The following TFCP2 variants were observed in gnomAD, a reference collection of about 807,000 sequenced individuals.
The protein encoded by TFCP2 is transcription factor CP2.
In TFCP2, 33 loss-of-function variants were observed where a neutral mutation model predicts 73.4. That is an observed-to-expected ratio of 0.45 (90% CI 0.34 to 0.60). TFCP2 has a LOEUF of 0.60. Among genes scored for constraint, TFCP2 ranks in the 20% least tolerant of loss-of-function variants. The pLI is 0.01. For missense variants in TFCP2, 352 were observed against 604.0 expected (o/e 0.58, Z 4.37); for synonymous variants, 193 against 211.6 (o/e 0.91, Z 0.76).
intron 1 of TFCP2, among the ~76,000 whole-genome samples, chr12:51,171,984 G>T (rs1941872472): frequency 6.6e-6 from 1 of 152,030 alleles, no homozygotes; most frequent in Admixed American, 6.6e-5. Flanking sequence ...CACAACGTCA[G>T]ACTTACCCAC....
intron 1 of TFCP2, among the ~76,000 whole-genome samples, chr12:51,149,023 T>TCAAAAAAAAAAAA (rs1555254992): frequency 1.8e-4 from 1 of 5,422 alleles, no homozygotes; most frequent in Non-Finnish European, 2.9e-3. Flanking sequence ...AGACTCCATC[T>TCAAAAAAAAAAAA]CAAAAAAAAA....
intron 1 of TFCP2, among the ~76,000 whole-genome samples, chr12:51,145,317 A>T (rs1941273071): frequency 6.8e-6 from 1 of 147,998 alleles, no homozygotes; most frequent in African/African-American, 2.5e-5. Context: ...GGGGGGTGGA[A>T]GTTGCAGTGA....
At chr12:51,158,024 C>CAAGA (rs1042788216) in intron 1 of TFCP2, among the ~76,000 whole-genome samples, 2 of 151,512 alleles carry the variant, frequency 1.3e-5, no homozygotes, top group Non-Finnish European at 2.9e-5. Flanking sequence ...TTTTTAGAAA[C>CAAGA]AGAGTCTTGT....
rs1359606837 is a variant in TFCP2 at position 51,164,368 on chromosome 12, G to A, written c.122+7933C>T. 3.9e-5 allele frequency among the ~76,000 whole-genome samples: 6 copies of A among 152,280 alleles called. No homozygotes were observed. The East Asian group carries it at 1.2e-3, about 29-fold the overall frequency. ...AATCCCAGCACTTTGGGAGGCCGAG[G>A]CGGGCAGATCACAAGGTCAGGAGTT... On this transcript the variant is annotated intron_variant, in intron 1 of 14. Transcript: ENST00000257915.
intron 1 of TFCP2, among the ~76,000 whole-genome samples, chr12:51,140,445 C>CTTTTTTTTTTTTTTTTTTTTTTTTTCCT (rs768526922): frequency 1.1e-5 from 1 of 88,036 alleles, no homozygotes; most frequent in Non-Finnish European, 2.1e-5. Flanking sequence ...TTTTCTTTTT[C>CTTTTTTTTTTTTTTTTTTTTTTTTTCCT]TTTTTTTTTT....
At chr12:51,130,109 C>T (rs920945012) in intron 1 of TFCP2, among the ~76,000 whole-genome samples, 1 of 152,056 alleles carries the variant, frequency 6.6e-6, no homozygotes, top group Non-Finnish European at 1.5e-5. Flanking sequence ...TGTGCCATTG[C>T]ACTCCAGCCT....
chr12:51,114,268 G>T (rs1040073407), intron 4 of TFCP2, among the ~76,000 whole-genome samples: 4 of 152,094 alleles, frequency 2.6e-5, no homozygotes, highest in Non-Finnish European at 5.9e-5. Context: ...AATCCAATTC[G>T]ATAGTGGGCA....
At chr12:51,095,922 A>T in intron 14 of TFCP2, 67 bp downstream of exon 14, 1 of 1,262,696 alleles carries the variant, frequency 7.9e-7, no homozygotes, top group Non-Finnish European at 1.1e-6. Flanking sequence ...TCAAAGAAGT[A>T]TGTACTTTGC....
intron 1 of TFCP2, among the ~76,000 whole-genome samples, chr12:51,132,357 C>CTTTTTTTTTTTTTTTTTTTT (rs869123355): frequency 3.2e-5 from 2 of 61,790 alleles, no homozygotes; most frequent in African/African-American, 1.2e-4. Flanking sequence ...AGGGATTAGT[C>CTTTTTTTTTTTTTTTTTTTT]TTTTTTTTTT....
intron 8 of TFCP2, 112 bp downstream of exon 8, chr12:51,106,413 G>A: frequency 1.3e-6 from 1 of 760,818 alleles, no homozygotes; most frequent in Non-Finnish European, 2.1e-6. Context: ...ATCCATCAAA[G>A]AACGACCAAA....
In TFCP2 at chr12:51,109,006, TGC is replaced by T. The variant is rs533002059; in HGVS notation, c.717+113_717+114del. 164 of 1,167,456 alleles carry T rather than the reference TGC, an allele frequency of 1.4e-4. 5 individuals carry two copies. The South Asian group carries it at 2.0e-3, about 14-fold the overall frequency. 72.3% of individuals were successfully genotyped at this position (1,167,456 alleles called of 1,614,324 possible). The stretch of plus-strand genomic sequence containing the variant: ...TTCAATGACTCTAGCTTAGACTTTT[TGC>T]GTGTGTGTGAGTTTTCAAAAAAAGA... On this transcript the variant is annotated intron_variant, in intron 6 of 14. Transcript: ENST00000257915.
chr12:51,155,002 A>C (rs866093282), intron 1 of TFCP2, among the ~76,000 whole-genome samples: 2 of 152,310 alleles, frequency 1.3e-5, no homozygotes, highest in Middle Eastern at 3.4e-3. Flanking sequence ...TGAGGGAGTA[A>C]GATCCATCCT....
chr12:51,142,655 C>T (rs1941218092), intron 1 of TFCP2, among the ~76,000 whole-genome samples: 1 of 152,198 alleles, frequency 6.6e-6, no homozygotes, highest in South Asian at 2.1e-4. Context: ...CTCCATGGAT[C>T]ATTCCCATTA....
At chr12:51,111,087 G>T in intron 4 of TFCP2, 104 bp from the exon 5 acceptor site, 6 of 757,202 alleles carry the variant, frequency 7.9e-6, no homozygotes, top group African/African-American at 1.8e-5. Context: ...CAAGATTTTT[G>T]TATATCACAT....
At chr12:51,124,768 C>A in intron 1 of TFCP2, 1 of 774,010 alleles carries the variant, frequency 1.3e-6, no homozygotes. Context: ...TTCTGCTGCT[C>A]AACCTTTTTC....
At chr12:51,099,024 C>G (rs1592786611) in intron 12 of TFCP2, 106 bp from the exon 13 acceptor site, 1 of 1,250,878 alleles carries the variant, frequency 8.0e-7, no homozygotes, top group Non-Finnish European at 1.1e-6. Flanking sequence ...AGAAATCACA[C>G]TGCCTAAGTT....
chr12:51,136,467 A>G (rs967019524), intron 1 of TFCP2, among the ~76,000 whole-genome samples: 4 of 152,112 alleles, frequency 2.6e-5, no homozygotes, highest in Non-Finnish European at 5.9e-5. Flanking sequence ...TAATAAAGGA[A>G]GCAGTATTAC....
intron 6 of TFCP2, 131 bp downstream of exon 6, chr12:51,108,990 T>C (rs1940327864): frequency 3.0e-6 from 3 of 1,003,366 alleles, no homozygotes. Flanking sequence ...TTTCAATGAC[T>C]CTAGCTTAGA....
At chr12:51,153,890 C>T (rs11169724) in intron 1 of TFCP2, among the ~76,000 whole-genome samples, 13,451 of 152,212 alleles carry the variant, frequency 0.088, 639 homozygotes, top group Middle Eastern at 0.11. Flanking sequence ...CTTGAATATA[C>T]ACTCAGAAGT....
Sources: gnomAD v4.1 joint callset for allele counts (sites outside exome capture counted in the v4.1 genomes callset) on GRCh38, gnomAD v4.1.1 for gene constraint, MANE v1.5 for transcripts, NCBI Gene and HGNC (gene_info 2026-07-23, HGNC 2026-07-21) for gene names.